Variants in SCG5 observed in about 807,000 individuals in gnomAD.
SCG5 encodes the protein neuroendocrine protein 7B2.
SCG5 carries 18 observed loss-of-function variants against 25.7 expected under a neutral mutation model. The ratio of observed to expected loss-of-function variants is 0.70; its 90% CI spans 0.48 to 1.04. SCG5 has a LOEUF of 1.04. Ranked by LOEUF, SCG5 falls within the 50% of genes least tolerant of loss-of-function variation. SCG5 has a pLI of 0.00. For missense variants in SCG5, 206 were observed against 259.8 expected (o/e 0.79, Z 1.42); for synonymous variants, 101 against 91.7 (o/e 1.10, Z -0.58).
intron 2 of SCG5, among the ~76,000 whole-genome samples, chr15:32,659,947 G>A (rs890905985): frequency 1.2e-4 from 19 of 152,268 alleles, no homozygotes; most frequent in Non-Finnish European, 2.4e-4. Flanking sequence ...ACTCTGAATA[G>A]CCCTTGGTCA....
At chr15:32,676,461 C>G (rs2054532307) in intron 2 of SCG5, among the ~76,000 whole-genome samples, 1 of 152,190 alleles carries the variant, frequency 6.6e-6, no homozygotes. Flanking sequence ...AGGGTGCTTT[C>G]AAAAGTTGAG....
chr15:32,665,695 C>T (rs915227606), intron 2 of SCG5: 1 of 152,140 alleles, frequency 6.6e-6, no homozygotes, highest in African/African-American at 2.4e-5. Flanking sequence ...GGGAATTGAG[C>T]TTTTTGAAAT....
intron 3 of SCG5, among the ~76,000 whole-genome samples, chr15:32,681,744 C>A (rs1232834048): frequency 2.0e-5 from 3 of 152,054 alleles, no homozygotes; most frequent in Non-Finnish European, 2.9e-5. Context: ...GCTACCACAC[C>A]GAGACTTTTT....
rs533907338 is a variant in SCG5, at chr15:32,648,240, T to A, written c.226+4422T>A. 3.3e-5 allele frequency among the ~76,000 whole-genome samples: 5 copies of A among 152,294 alleles called. No homozygotes were observed. In the East Asian group the frequency reaches 9.7e-4, roughly 29 times the overall value. On this transcript the variant is annotated intron_variant, in intron 2 of 5. Transcript: ENST00000300175. ...TTTTAAGTAATTTATTTCATTTTTA[T>A]CTCTAAAATCCATGTGCAATTTCCT...
chr15:32,671,880 C>G (rs1270780531), intron 2 of SCG5, among the ~76,000 whole-genome samples: 2 of 152,152 alleles, frequency 1.3e-5, no homozygotes, highest in African/African-American at 2.4e-5. Flanking sequence ...CGCCCCACTC[C>G]GCTTTGCCTT....
chr15:32,684,636 T>C lies in SCG5; in HGVS notation c.456T>C (p.Asp152=). Residue 152 remains aspartate (D), a synonymous_variant, in exon 4 of 6, where the codon GAT becomes GAC. Coordinates refer to ENST00000300175, the MANE Select transcript of SCG5 (RefSeq NM_001144757.3). The part of the protein sequence containing the change: ...REFQLHQHLF[D]PEHDYPGLGK... ...TCCAGTTGCACCAGCATCTCTTTGA[T>C]CCGGAACATGACTATCCAGGCTTGG... is the stretch of plus-strand genomic sequence containing the variant. 6.2e-7 allele frequency: 1 copy of C among 1,613,730 alleles called. No homozygotes were observed. Among genetic ancestry groups the C allele is most frequent in the Non-Finnish European group, 8.5e-7 (1 of 1,179,748 alleles).
At chr15:32,654,197 G>A (rs1210881093) in intron 2 of SCG5, among the ~76,000 whole-genome samples, 1 of 152,188 alleles carries the variant, frequency 6.6e-6, no homozygotes, top group Non-Finnish European at 1.5e-5. Context: ...CACAGACTAG[G>A]TGGCTTAAAT....
At chr15:32,664,872 A>G (rs2054293539) in intron 2 of SCG5, among the ~76,000 whole-genome samples, 1 of 152,232 alleles carries the variant, frequency 6.6e-6, no homozygotes, top group Admixed American at 6.5e-5. Flanking sequence ...TACCATCTCT[A>G]ACTCAGGAGA....
intron 5 of SCG5, chr15:32,692,361 C>T: frequency 1.2e-6 from 1 of 821,986 alleles, no homozygotes; most frequent in Non-Finnish European, 1.5e-6. Flanking sequence ...CATCCCAGGG[C>T]TGCCCAAGGT....
intron 2 of SCG5, among the ~76,000 whole-genome samples, chr15:32,657,936 G>T (rs142637957): frequency 2.8e-4 from 42 of 152,180 alleles, no homozygotes; most frequent in Admixed American, 2.7e-3. Flanking sequence ...GGAATTGAGC[G>T]TGTTTACAGA....
intron 5 of SCG5, among the ~76,000 whole-genome samples, chr15:32,693,012 TGACAGAAAG>T (rs2054887549): frequency 6.6e-6 from 1 of 152,188 alleles, no homozygotes; most frequent in Non-Finnish European, 1.5e-5. Context: ...TAGCAGATGG[TGACAGAAAG>T]GGTCCAAAGG....
chr15:32,671,560 G>T (rs1007696367), intron 2 of SCG5, among the ~76,000 whole-genome samples: 4 of 152,110 alleles, frequency 2.6e-5, no homozygotes, highest in Non-Finnish European at 5.9e-5. Flanking sequence ...AGACAATAGC[G>T]TGTGGTGGAA....
intron 1 of SCG5, among the ~76,000 whole-genome samples, chr15:32,642,516 C>T (rs553603697): frequency 1.6e-5 from 2 of 124,988 alleles, no homozygotes; most frequent in East Asian, 2.6e-4. Flanking sequence ...TGCAGTGAGT[C>T]GAGATGGCGC....
chr15:32,658,427 T>C (rs558366388), intron 2 of SCG5, among the ~76,000 whole-genome samples: 1 of 152,114 alleles, frequency 6.6e-6, no homozygotes, highest in African/African-American at 2.4e-5. Context: ...ATGTAGATGA[T>C]AAAGATTCAG....
Position 32,661,629 on chromosome 15 carries a change from A to C in SCG5, c.226+17811A>C, listed in dbSNP as rs564829400. 3.3e-5 allele frequency among the ~76,000 whole-genome samples: 5 copies of C among 152,290 alleles called. No homozygotes were observed. In the East Asian group the frequency reaches 9.7e-4, roughly 29 times the overall value. ...GCGAAACTCTGTCTCAACAAAAAAA[A>C]AGAGAAGAAAGAAAACATCTCCAGA... On this transcript the variant is annotated intron_variant, in intron 2 of 5. Transcript: ENST00000300175.
At chr15:32,687,818 G>A (rs1352813053) in intron 4 of SCG5, among the ~76,000 whole-genome samples, 1 of 152,056 alleles carries the variant, frequency 6.6e-6, no homozygotes, top group Non-Finnish European at 1.5e-5. Context: ...ATTTATTAAC[G>A]ACACATCATA....
chr15:32,696,218 C>T (rs1459022195), intron 5 of SCG5, among the ~76,000 whole-genome samples: 3 of 151,978 alleles, frequency 2.0e-5, no homozygotes, highest in Non-Finnish European at 2.9e-5. Flanking sequence ...CCCGGGTTCA[C>T]GCCATTCTCC....
intron 2 of SCG5, among the ~76,000 whole-genome samples, chr15:32,649,038 G>A (rs949285370): frequency 6.6e-6 from 1 of 152,178 alleles, no homozygotes; most frequent in Non-Finnish European, 1.5e-5. Flanking sequence ...TTACAGGCGT[G>A]AGCCGCCATG....
At chr15:32,665,195 A>G (rs2054298495) in intron 2 of SCG5, among the ~76,000 whole-genome samples, 1 of 152,236 alleles carries the variant, frequency 6.6e-6, no homozygotes, top group African/African-American at 2.4e-5. Flanking sequence ...ACATTCCCCT[A>G]AAATGCACCT....
Sources: allele counts gnomAD v4.1 joint callset (sites outside exome capture counted in the v4.1 genomes callset), GRCh38; gene constraint gnomAD v4.1.1; transcripts MANE v1.5; gene names NCBI Gene and HGNC (gene_info 2026-07-23, HGNC 2026-07-21).